Variants in APOO observed in about 807,000 individuals in gnomAD.
The protein encoded by APOO is apolipoprotein O, also known as MICOS complex subunit MIC26.
In APOO, 11 loss-of-function variants were observed where a neutral mutation model predicts 23.1. The observed-to-expected ratio is 0.48, with a 90% confidence interval of 0.30 to 0.79. The LOEUF (loss-of-function observed/expected upper bound fraction) is 0.79, where lower values mean the gene tolerates loss of function less well. Among genes scored for constraint, APOO ranks in the 30% least tolerant of loss-of-function variants. The pLI is 0.07. For synonymous variants in APOO, 59 were observed against 54.8 expected (o/e 1.08, Z -0.34); for missense variants, 160 against 142.7 (o/e 1.12, Z -0.62).
chrX:23,906,265 G>A, intron 1 of APOO, among the ~76,000 whole-genome samples: 1 of 112,762 alleles, frequency 8.9e-6, no homozygotes, highest in Non-Finnish European at 1.9e-5. Flanking sequence ...TTAAGGCACT[G>A]GTTTGCAGTG....
intron 4 of APOO, among the ~76,000 whole-genome samples, chrX:23,872,207 G>T (rs927079248): frequency 9.0e-6 from 1 of 111,051 alleles, no homozygotes; most frequent in Non-Finnish European, 1.9e-5. Flanking sequence ...AAGACTGTAC[G>T]GAGTCTGGGC....
At chrX:23,846,784 T>C (rs1340954973) in intron 7 of APOO, among the ~76,000 whole-genome samples, 1 of 111,034 alleles carries the variant, frequency 9.0e-6, no homozygotes, top group African/African-American at 3.3e-5. Context: ...GGATTAGCAA[T>C]GGACAATCAA....
At position 23,874,408 on chromosome X, in the gene APOO, C is replaced by T; in HGVS notation, c.287G>A (p.Gly96Glu). 1.7e-6 allele frequency: 2 copies of T among 1,208,692 alleles called. No homozygotes were observed. The highest frequency in any genetic ancestry group is 1.1e-6 in the Non-Finnish European group (1 of 893,160). The change falls in exon 4 of 9, where the codon GGG becomes GAG. Residue 96 changes from glycine (G) to glutamate (E), a missense_variant. Physicochemically the swap from Gly to Glu is moderately conservative, Grantham distance 98 (BLOSUM62 -2). Transcript: ENST00000379226. ...CTAATTTAAAATCAACTTACCTAAC[C>T]CCCATTGAACCAAACTTTGCATCTT... ...KPKMQSLVQW[G>E]LDSYDYLQNA...
chrX:23,839,985 T>G (rs1390907715), intron 8 of APOO: 5 of 125,675 alleles, frequency 4.0e-5, no homozygotes, highest in Admixed American at 9.0e-5. Context: ...TCACTGAGTA[T>G]TAGATAAATA....
At chrX:23,857,775 T>C (rs1924842574) in intron 6 of APOO, among the ~76,000 whole-genome samples, 1 of 111,430 alleles carries the variant, frequency 9.0e-6, no homozygotes, top group South Asian at 3.8e-4. Context: ...ACCTAGAGCC[T>C]GTCTTGTTCT....
chrX:23,844,259 G>C (rs952503250), intron 7 of APOO, among the ~76,000 whole-genome samples: 2 of 111,783 alleles, frequency 1.8e-5, no homozygotes, highest in African/African-American at 6.5e-5. Flanking sequence ...TAAATGACCT[G>C]TTAAAGACCC....
intron 7 of APOO, among the ~76,000 whole-genome samples, chrX:23,851,791 G>A (rs1057491048): frequency 8.9e-6 from 1 of 112,206 alleles, no homozygotes; most frequent in Non-Finnish European, 1.9e-5. Flanking sequence ...GAGGGAAAAG[G>A]GATGTGGCAG....
intron 2 of APOO, among the ~76,000 whole-genome samples, chrX:23,880,437 C>T (rs1284146986): frequency 5.4e-5 from 6 of 111,783 alleles, no homozygotes; most frequent in African/African-American, 1.3e-4. Context: ...TGGTGGCTCA[C>T]GCTTGTAATC....
rs140847649 is a variant in APOO at position 23,883,206 on chromosome X, G to A, written c.10-2254C>T. On this transcript the variant is annotated intron_variant, in intron 1 of 8. Coordinates refer to ENST00000379226, the MANE Select transcript of APOO (RefSeq NM_024122.5). ...GTGCCCACCAACCTAGGTGAGGACA[G>A]GCATTTCTGTTTTTGTGCCCAAATA... Among the ~76,000 whole-genome samples the A allele has an allele frequency of 4.6e-4, 51 of 111,878 alleles. 1 individual carries two copies. In the East Asian group the frequency reaches 6.8e-3, roughly 15 times the overall value.
At chrX:23,861,964 C>A (rs142054336) in intron 5 of APOO, among the ~76,000 whole-genome samples, 2 of 109,567 alleles carry the variant, frequency 1.8e-5, no homozygotes, top group African/African-American at 6.6e-5. Context: ...CCACCACACC[C>A]GGCTATTTTT....
chrX:23,844,622 C>T (rs1198936886), intron 7 of APOO, among the ~76,000 whole-genome samples: 2 of 111,411 alleles, frequency 1.8e-5, no homozygotes, highest in Non-Finnish European at 3.8e-5. Flanking sequence ...GAACTGAGTT[C>T]TGTCAACAAT....
chrX:23,897,197 C>T (rs1218983207), intron 1 of APOO, among the ~76,000 whole-genome samples: 4 of 111,979 alleles, frequency 3.6e-5, no homozygotes, highest in Non-Finnish European at 5.6e-5. Context: ...GAATTCACCA[C>T]AAAATTAGGT....
At chrX:23,842,575 C>T (rs1463615791) in intron 7 of APOO, among the ~76,000 whole-genome samples, 4 of 111,998 alleles carry the variant, frequency 3.6e-5, no homozygotes, top group African/African-American at 1.3e-4. Flanking sequence ...GGCTGATTGC[C>T]AGCCAAACCT....
At chrX:23,889,270 G>A (rs1926517804) in intron 1 of APOO, among the ~76,000 whole-genome samples, 1 of 111,975 alleles carries the variant, frequency 8.9e-6, no homozygotes, top group Admixed American at 9.6e-5. Flanking sequence ...CATAATGGGT[G>A]TCCAGAAGGC....
At position 23,863,405 on chromosome X, in the gene APOO, G is replaced by C. The variant is rs751281078; in HGVS notation, c.389-4672C>G. Among the ~76,000 whole-genome samples the C allele has an allele frequency of 7.2e-5, 8 of 111,354 alleles. No homozygotes were observed. The East Asian group carries it at 2.3e-3, about 32-fold the overall frequency. On this transcript the variant is annotated intron_variant, in intron 5 of 8. Coordinates refer to ENST00000379226, the MANE Select transcript of APOO (RefSeq NM_024122.5). ...TTCAGAACACTAAAGATTCACAGAA[G>C]ATCTTCAAAGCTTCCAGGAAGAAAA...
intron 8 of APOO, chrX:23,836,631 T>TTC: frequency 1.3e-6 from 1 of 751,761 alleles, no homozygotes; most frequent in Non-Finnish European, 1.8e-6. Context: ...ATTTCTTTTT[T>TTC]TTTTTTTTTT....
intron 1 of APOO, among the ~76,000 whole-genome samples, chrX:23,902,303 A>C (rs1024990454): frequency 4.5e-5 from 5 of 111,380 alleles, no homozygotes; most frequent in African/African-American, 1.6e-4. Flanking sequence ...GGCTTTTTCA[A>C]AACTAGCAGT....
At chrX:23,900,824 G>A (rs1487737766) in intron 1 of APOO, among the ~76,000 whole-genome samples, 1 of 111,078 alleles carries the variant, frequency 9.0e-6, no homozygotes, top group African/African-American at 3.3e-5. Flanking sequence ...CGAAAGGTAA[G>A]AAAGGAAAAA....
intron 7 of APOO, among the ~76,000 whole-genome samples, chrX:23,843,579 C>CTTT (rs747271141): frequency 7.6e-4 from 47 of 61,704 alleles, no homozygotes; most frequent in Non-Finnish European, 1.1e-3. Context: ...ATGACAATTT[C>CTTT]TTTTTTTTTT....
Sources: allele counts gnomAD v4.1 joint callset (sites outside exome capture counted in the v4.1 genomes callset), GRCh38; gene constraint gnomAD v4.1.1; transcripts MANE v1.5; gene names NCBI Gene and HGNC (gene_info 2026-07-23, HGNC 2026-07-21).